The following SBNO2 variants were observed in gnomAD, a reference collection of about 807,000 sequenced individuals.
SBNO2 encodes the protein strawberry notch homolog 2, also known as protein strawberry notch homolog 2.
A neutral mutation model predicts 146.3 loss-of-function variants in SBNO2; 89 were observed. The ratio of observed to expected loss-of-function variants is 0.61; its 90% CI spans 0.51 to 0.73. The LOEUF is 0.73. SBNO2 is among the 30% of genes least tolerant of loss of function. The probability of loss-of-function intolerance (pLI) is 0.00; values close to 1 mark genes in which losing one functional copy is unlikely to be tolerated. For synonymous variants in SBNO2, 1,147 were observed against 892.6 expected (o/e 1.29, Z -5.08); for missense variants, 2,092 against 2,003.7 (o/e 1.04, Z -0.84).
In SBNO2 at chr19:1,147,438, G is replaced by T. The variant is rs558492581; in HGVS notation, c.168-18C>A. The T allele has an allele frequency of 3.3e-5, 43 of 1,286,840 alleles. 1 individual carries two copies. Among genetic ancestry groups the T allele is most frequent in the Middle Eastern group, 5.3e-4 (2 of 3,754 alleles). The allele number at this position is 1,286,840 out of a possible 1,614,324, so 79.7% of individuals were successfully genotyped here. ...TGAACGGGCTGGAGGGAGATGGGGG[G>T]GGGGGAGGTGAGATGGGGTGCTCAA... On this transcript the variant is annotated intron_variant, in intron 3 of 31. Transcript: ENST00000361757.
At chr19:1,142,701 G>A (rs892278161) in intron 4 of SBNO2, among the ~76,000 whole-genome samples, 2 of 151,478 alleles carry the variant, frequency 1.3e-5, no homozygotes, top group South Asian at 2.1e-4. Flanking sequence ...GGCCAGGTGC[G>A]GTGGCTCATG....
At chr19:1,172,035 C>G (rs532390871) in intron 1 of SBNO2, among the ~76,000 whole-genome samples, 1 of 152,292 alleles carries the variant, frequency 6.6e-6, no homozygotes, top group African/African-American at 2.4e-5. Context: ...GCTCCCTCCC[C>G]CTGAAGTCCA....
chr19:1,132,082 A>G, intron 4 of SBNO2: 1 of 1,530,532 alleles, frequency 6.5e-7, no homozygotes, highest in Non-Finnish European at 8.8e-7. Context: ...CCGGGAAGGG[A>G]GTGTTACCTT....
chr19:1,132,849 C>T (rs1568596630), intron 4 of SBNO2, among the ~76,000 whole-genome samples: 1 of 152,260 alleles, frequency 6.6e-6, no homozygotes, highest in Non-Finnish European at 1.5e-5. Context: ...CCTCTCCAGG[C>T]TCTGGCCAGA....
At position 1,154,451 on chromosome 19, in the gene SBNO2, T is replaced by G. The variant is rs1435929171; in HGVS notation, c.-126-49A>C. 7 of 389,306 alleles carry G rather than the reference T, an allele frequency of 1.8e-5. No homozygotes were observed. The East Asian group carries it at 2.6e-4, about 14-fold the overall frequency. The allele number at this position is 389,306 out of a possible 1,614,324, so 24.1% of individuals were successfully genotyped here. ...CTGAGAGTCCAACGGTGGTGGAGAG[T>G]GGTGCTCCCCGGCCGCCTCTCCCTC... On this transcript the variant is annotated intron_variant, in intron 1 of 31. Coordinates refer to ENST00000361757, the MANE Select transcript of SBNO2 (RefSeq NM_014963.3).
rs1008680622 is a variant in SBNO2 at position 1,108,107 on chromosome 19, G to A, written c.*113C>T. On this transcript the variant is annotated 3_prime_UTR_variant, in exon 32 of 32. Transcript: ENST00000361757. ...TCGGGCGCTGAAGGCACTGCGGCCA[G>A]GGCCTAGGGCTCCTCTGAGCAGTGG... is the stretch of plus-strand genomic sequence containing the variant. 7.5e-6 allele frequency: 9 copies of A among 1,201,226 alleles called. No homozygotes were observed. The highest frequency in any genetic ancestry group is 1.8e-5 in the South Asian group (1 of 54,702). The allele number at this position is 1,201,226 out of a possible 1,614,324, so 74.4% of individuals were successfully genotyped here. A position where few individuals can be genotyped will look rare whatever the true frequency, so the allele number is the denominator to read the frequency against.
intron 1 of SBNO2, among the ~76,000 whole-genome samples, chr19:1,165,037 G>A (rs1488575998): frequency 3.9e-5 from 6 of 151,952 alleles, no homozygotes; most frequent in African/African-American, 1.5e-4. Context: ...GCCCGGAGGA[G>A]GTCAAGACTC....
intron 1 of SBNO2, among the ~76,000 whole-genome samples, chr19:1,167,681 C>T (rs915014539): frequency 6.6e-6 from 1 of 152,158 alleles, no homozygotes; most frequent in East Asian, 1.9e-4. Flanking sequence ...CTCTGCAGAG[C>T]CCCTGTGCCC....
At chr19:1,143,867 A>G (rs2080162051) in intron 4 of SBNO2, among the ~76,000 whole-genome samples, 1 of 152,102 alleles carries the variant, frequency 6.6e-6, no homozygotes, top group African/African-American at 2.4e-5. Flanking sequence ...TCTTGGGTCC[A>G]TCACTCAGTC....
intron 1 of SBNO2, among the ~76,000 whole-genome samples, chr19:1,163,680 C>G (rs910425888): frequency 2.4e-4 from 36 of 152,340 alleles, no homozygotes; most frequent in Non-Finnish European, 4.3e-4. Context: ...GACCCTGCCA[C>G]GCGCAGGCAC....
chr19:1,127,950 A>C (rs866673705), intron 4 of SBNO2, among the ~76,000 whole-genome samples, 185 bp from the exon 5 acceptor site: 1 of 152,070 alleles, frequency 6.6e-6, no homozygotes. Flanking sequence ...AGTAGCAGGG[A>C]TTACAGGTGT....
chr19:1,125,358 C>CAA (rs35572800), intron 5 of SBNO2, among the ~76,000 whole-genome samples: 4,084 of 53,004 alleles, frequency 0.077, 169 homozygotes, highest in East Asian at 0.22. Flanking sequence ...GACTCCATCT[C>CAA]AAAAAAAAAA....
In SBNO2 at chr19:1,109,059, G is replaced by C; in HGVS notation, c.3425+76C>G. 3 of 1,522,632 alleles carry C rather than the reference G, an allele frequency of 2.0e-6. No individual in the cohort carries two copies. The highest frequency in any genetic ancestry group is 2.6e-6 in the Non-Finnish European group (3 of 1,135,516). The allele number at this position is 1,522,632 out of a possible 1,614,324, so 94.3% of individuals were successfully genotyped here. On this transcript the variant is annotated intron_variant, in intron 30 of 31. Transcript: ENST00000361757. The surrounding 1 kb of genome is among the most constrained non-coding windows in gnomAD (Gnocchi z 4.2). ...CCTGAGATCTCCCGCCTCCTCTCAGGGTCTCGGGAGCCCCCGATCCCCGCC... is the reference window on the plus strand; with the variant it reads ...CCTGAGATCTCCCGCCTCCTCTCAGCGTCTCGGGAGCCCCCGATCCCCGCC...
chr19:1,155,304 G>A (rs1438690536), intron 1 of SBNO2, among the ~76,000 whole-genome samples: 1 of 152,234 alleles, frequency 6.6e-6, no homozygotes, highest in African/African-American at 2.4e-5. Flanking sequence ...TCTCTGCCCG[G>A]CGCTCCAGAG....
intron 14 of SBNO2, among the ~76,000 whole-genome samples, chr19:1,118,393 G>GA (rs1415634668): frequency 6.6e-6 from 1 of 152,158 alleles, no homozygotes; most frequent in Non-Finnish European, 1.5e-5. Flanking sequence ...GCGTGAGGGG[G>GA]AGAAAACAGG....
chr19:1,115,711 A>G, intron 17 of SBNO2: 1 of 492,526 alleles, frequency 2.0e-6, no homozygotes, highest in Non-Finnish European at 3.7e-6. Flanking sequence ...GACCGTGGAG[A>G]CCCTGAAAAC....
intron 1 of SBNO2, 38 bp from the exon 2 acceptor site, chr19:1,154,440 G>T: frequency 2.6e-6 from 1 of 391,786 alleles, no homozygotes; most frequent in Non-Finnish European, 4.5e-6. Context: ...GAGTCCAACG[G>T]TGGTGGAGAG....
rs765270388 is a variant in SBNO2, at chr19:1,111,624, G to A, written c.2701-10C>T. On this transcript the variant is annotated splice_polypyrimidine_tract_variant and intron_variant, in intron 23 of 31. Coordinates refer to ENST00000361757, the MANE Select transcript of SBNO2 (RefSeq NM_014963.3). ...GGGCCCGGGTGCCATACTAGGGGGAGAAGGTGACTCGGGGAGGAGGCCCAG... is the reference window on the plus strand; with the variant it reads ...GGGCCCGGGTGCCATACTAGGGGGAAAAGGTGACTCGGGGAGGAGGCCCAG... 7 of 1,567,420 alleles carry A rather than the reference G, an allele frequency of 4.5e-6. No homozygotes were observed. The highest frequency in any genetic ancestry group is 3.7e-5 in the Admixed American group (2 of 53,562).
intron 4 of SBNO2, among the ~76,000 whole-genome samples, chr19:1,142,506 C>A (rs1446190428): frequency 1.3e-5 from 2 of 152,126 alleles, no homozygotes; most frequent in East Asian, 3.9e-4. Context: ...ATGGTGAAAC[C>A]CCGTCTCTAC....
Sources: gnomAD v4.1 joint callset for allele counts (sites outside exome capture counted in the v4.1 genomes callset) on GRCh38, gnomAD v4.1.1 for gene constraint, Gnocchi (gnomAD v3.1) non-coding constraint, MANE v1.5 for transcripts, NCBI Gene and HGNC (gene_info 2026-07-23, HGNC 2026-07-21) for gene names.